The following SORBS2 variants were observed in gnomAD, a reference collection of about 807,000 sequenced individuals.
The protein encoded by SORBS2 is sorbin and SH3 domain-containing protein 2.
A neutral mutation model predicts 97.7 loss-of-function variants in SORBS2; 46 were observed. The observed-to-expected ratio is 0.47, with a 90% CI of 0.37 to 0.60. The LOEUF (loss-of-function observed/expected upper bound fraction) is 0.60, where lower values mean the gene tolerates loss of function less well. Among genes scored for constraint, SORBS2 ranks in the 20% least tolerant of loss-of-function variants. SORBS2 has a pLI of 0.00. For missense variants in SORBS2, 1,316 were observed against 1,282.3 expected, an observed-to-expected ratio of 1.03 and a Z score of -0.40; for synonymous variants, 476 against 473.4, an observed-to-expected ratio of 1.01 and a Z score of -0.07.
rs2096015899 is a variant in SORBS2, at chr4:185,593,770, G to A, written c.2846+116C>T. The A allele has an allele frequency of 5.8e-6, 4 of 694,868 alleles. No homozygotes were observed. The East Asian group carries it at 1.1e-4, about 18-fold the overall frequency. 43.0% of individuals were successfully genotyped at this position (694,868 alleles called of 1,614,324 possible). The stretch of plus-strand genomic sequence containing the variant: ...ATTACAATTTCTCGTAATTTAAGAG[G>A]CCTCATGTTAGTTTGATCTTTCACG... On this transcript the variant is annotated intron_variant, in intron 13 of 14. Transcript: ENST00000418609.
chr4:185,934,011 C>T (rs1055156751), intron 1 of SORBS2, among the ~76,000 whole-genome samples: 1 of 152,156 alleles, frequency 6.6e-6, no homozygotes, highest in African/African-American at 2.4e-5. Context: ...AAAGTCTTTC[C>T]TTCAAAGCAT....
intron 1 of SORBS2, among the ~76,000 whole-genome samples, chr4:185,790,768 CA>C (rs972090978): frequency 1.3e-5 from 2 of 152,194 alleles, no homozygotes; most frequent in Non-Finnish European, 2.9e-5. Context: ...ATATGTTTAT[CA>C]CTAAACAACT....
At chr4:185,609,335 CCACTTT>C (rs2096493394) in intron 12 of SORBS2, among the ~76,000 whole-genome samples, 1 of 152,150 alleles carries the variant, frequency 6.6e-6, no homozygotes, top group African/African-American at 2.4e-5. Context: ...CATCAGGTTT[CCACTTT>C]CACTTTCTGT....
At chr4:185,903,221 A>T (rs1010611512) in intron 1 of SORBS2, among the ~76,000 whole-genome samples, 1 of 152,266 alleles carries the variant, frequency 6.6e-6, no homozygotes, top group African/African-American at 2.4e-5. Flanking sequence ...ATGATTTGAT[A>T]TCTGTAGATT....
At chr4:185,777,349 CAATGTGG>C (rs2099004901) in intron 1 of SORBS2, among the ~76,000 whole-genome samples, 1 of 152,086 alleles carries the variant, frequency 6.6e-6, no homozygotes, top group Non-Finnish European at 1.5e-5. Context: ...CTCTTGGCCT[CAATGTGG>C]AATGGTAATT....
chr4:185,716,934 G>A (rs1178715931), intron 2 of SORBS2, among the ~76,000 whole-genome samples: 1 of 152,242 alleles, frequency 6.6e-6, no homozygotes, highest in Non-Finnish European at 1.5e-5. Context: ...GGAAACGGCA[G>A]AGTAGCAAGA....
chr4:185,713,847 T>A lies in SORBS2; in HGVS notation c.-197-35025A>T, dbSNP rs115157667. On this transcript the variant is annotated intron_variant, in intron 2 of 20. Transcript: ENST00000284776. ...CATTAATATTGCCATATGTTCATAC[T>A]GCACACCATTATTTGCCTTTGTCGT... Among the ~76,000 whole-genome samples, 970 of 152,340 alleles carry A rather than the reference T, an allele frequency of 6.4e-3. 6 individuals are homozygous for A. The highest frequency in any genetic ancestry group is 0.01 in the Non-Finnish European group (709 of 68,032).
intron 2 of SORBS2, 38 bp downstream of exon 4, chr4:185,690,524 G>A: frequency 2.1e-6 from 3 of 1,422,338 alleles, no homozygotes; most frequent in Admixed American, 2.1e-5. Flanking sequence ...TTTTTAGAGA[G>A]CAAGGCTAAA....
chr4:185,683,033 AAG>A (rs2097896529), intron 2 of SORBS2, among the ~76,000 whole-genome samples: 1 of 151,342 alleles, frequency 6.6e-6, no homozygotes. Context: ...AAAAAAAGAA[AAG>A]AAAAGAAAAA....
At chr4:185,947,679 T>G (rs967987820) in intron 1 of SORBS2, among the ~76,000 whole-genome samples, 1 of 152,204 alleles carries the variant, frequency 6.6e-6, no homozygotes, top group Non-Finnish European at 1.5e-5. Flanking sequence ...TGGTGTGGTC[T>G]AGCTTACTGC....
intron 12 of SORBS2, among the ~76,000 whole-genome samples, chr4:185,610,128 A>G (rs1386221682): frequency 6.6e-6 from 1 of 152,218 alleles, no homozygotes; most frequent in Non-Finnish European, 1.5e-5. Context: ...CATTGGGATC[A>G]AAAATATTAT....
intron 1 of SORBS2, among the ~76,000 whole-genome samples, chr4:185,913,972 C>T (rs190812280): frequency 1.5e-3 from 235 of 152,248 alleles, no homozygotes; most frequent in African/African-American, 4.8e-3. Context: ...ATACACCTTT[C>T]TGAAGGGTTT....
chr4:185,819,011 T>A (rs915728011), intron 1 of SORBS2, among the ~76,000 whole-genome samples: 2 of 152,170 alleles, frequency 1.3e-5, no homozygotes, highest in African/African-American at 4.8e-5. Context: ...ATATCTTTCC[T>A]TCATTAAAGA....
intron 2 of SORBS2, among the ~76,000 whole-genome samples, chr4:185,751,932 C>T (rs1458571443): frequency 1.3e-5 from 2 of 152,080 alleles, no homozygotes; most frequent in East Asian, 3.9e-4. Flanking sequence ...CCCCAGGGAA[C>T]ATTTGACAAC....
intron 5 of SORBS2, among the ~76,000 whole-genome samples, chr4:185,627,981 C>G (rs980194517): frequency 1.3e-5 from 2 of 152,154 alleles, no homozygotes; most frequent in Non-Finnish European, 2.9e-5. Context: ...ACTTTTAAGG[C>G]TCCTCCATGT....
chr4:185,702,405 T>A (rs995448465), intron 2 of SORBS2, among the ~76,000 whole-genome samples: 14 of 152,100 alleles, frequency 9.2e-5, no homozygotes, highest in African/African-American at 3.4e-4. Context: ...CCCCCAGGAA[T>A]GAATAGAGCA....
chr4:185,688,029 G>A (rs537183070), intron 2 of SORBS2, among the ~76,000 whole-genome samples: 3 of 152,258 alleles, frequency 2.0e-5, no homozygotes, highest in African/African-American at 7.2e-5. Context: ...TGTTCCTACT[G>A]CTGGAAACCC....
intron 2 of SORBS2, among the ~76,000 whole-genome samples, chr4:185,696,688 C>T (rs539534448): frequency 5.6e-4 from 86 of 152,246 alleles, no homozygotes; most frequent in Admixed American, 1.0e-3. Context: ...GTGATCCACC[C>T]GCCTCGGCCT....
chr4:185,866,201 G>A (rs553360520), intron 1 of SORBS2, among the ~76,000 whole-genome samples: 7 of 152,292 alleles, frequency 4.6e-5, no homozygotes, highest in East Asian at 1.9e-4. Context: ...GGTTGCTAGC[G>A]TTCCCTGAGT....
Sources: allele counts gnomAD v4.1 joint callset (sites outside exome capture counted in the v4.1 genomes callset), GRCh38; gene constraint gnomAD v4.1.1; transcripts MANE v1.5; gene names NCBI Gene and HGNC (gene_info 2026-07-23, HGNC 2026-07-21).